LRP2: variants seen among roughly 807,000 people sequenced by gnomAD.
LRP2 encodes low-density lipoprotein receptor-related protein 2.
LRP2 carries 172 observed loss-of-function variants against 531.0 expected under a neutral mutation model. The ratio of observed to expected loss-of-function variants is 0.32; its 90% CI spans 0.29 to 0.37. The LOEUF (loss-of-function observed/expected upper bound fraction) is 0.37, where lower values mean the gene tolerates loss of function less well. Ranked by LOEUF, LRP2 falls within the 10% of genes least tolerant of loss-of-function variation. The probability of loss-of-function intolerance (pLI) is 1.00; values close to 1 mark genes in which losing one functional copy is unlikely to be tolerated. For synonymous variants in LRP2, 1,992 were observed against 2,027.6 expected, an observed-to-expected ratio of 0.98 and a Z score of 0.47; for missense variants, 5,167 against 5,868.3, an observed-to-expected ratio of 0.88 and a Z score of 3.90.
chr2:169,169,306 G>A (rs545163755), intron 60 of LRP2, among the ~76,000 whole-genome samples: 93 of 152,292 alleles, frequency 6.1e-4, no homozygotes, highest in African/African-American at 2.2e-3. Flanking sequence ...TCCATCGTGT[G>A]ACTGAGAAAA....
rs1351922371 is a variant in LRP2, at chr2:169,259,182, C to T, written c.2356G>A (p.Val786Ile). The T allele has an allele frequency of 3.1e-6, 5 of 1,613,126 alleles. No individual in the cohort carries two copies. Among genetic ancestry groups the T allele is most frequent in the East Asian group, 2.2e-5 (1 of 44,850 alleles). ...ATCCAATCAAAAGCCAAACTTTCAA[C>T]ATTTTCCACCCTGTTAGCTGCGAGA... Reference protein sequence around the residue: ...EILAANRVENVESLAFDWISK... With the variant: ...EILAANRVENIESLAFDWISK... The change falls in exon 17 of 79, where the codon GTT becomes ATT. Residue 786 changes from valine (V) to isoleucine (I), a missense_variant. Val to Ile is a conservative substitution (Grantham distance 29, BLOSUM62 3). This residue lies in a region of LRP2 where 2,811 missense variants were observed against 3,058.0 expected (regional missense o/e 0.92). Coordinates refer to ENST00000649046, the MANE Select transcript of LRP2 (RefSeq NM_004525.3).
At chr2:169,332,147 A>T (rs982056723) in intron 1 of LRP2, among the ~76,000 whole-genome samples, 2 of 152,264 alleles carry the variant, frequency 1.3e-5, no homozygotes, top group Non-Finnish European at 2.9e-5. Context: ...AGTGAACAAT[A>T]GTTGGATACT....
chr2:169,319,810 C>T (rs1684863193), intron 2 of LRP2, among the ~76,000 whole-genome samples: 1 of 152,216 alleles, frequency 6.6e-6, no homozygotes, highest in Non-Finnish European at 1.5e-5. Flanking sequence ...CTTTAATGAG[C>T]TCCTGGGTGA....
rs974759151 is a variant in LRP2 at position 169,193,888 on chromosome 2, G to A, written c.8703C>T (p.His2901=). ...CATCAGCTAGGCATGTTCGCTCAGAGTGACCTGAAAAGATCAATAGCATTC... is the reference window on the plus strand; with the variant it reads ...CATCAGCTAGGCATGTTCGCTCAGAATGACCTGAAAAGATCAATAGCATTC... ...DASDEPASCG[H]SERTCLADEF... Residue 2901 remains histidine, a synonymous_variant, in exon 47 of 79, where the codon CAC becomes CAT. Coordinates refer to ENST00000649046, the MANE Select transcript of LRP2 (RefSeq NM_004525.3). The A allele has an allele frequency of 4.0e-5, 65 of 1,614,174 alleles. No individual in the cohort carries two copies. The highest frequency in any genetic ancestry group is 5.3e-5 in the Non-Finnish European group (62 of 1,180,022).
chr2:169,143,737 C>T (rs1685812353), intron 70 of LRP2, among the ~76,000 whole-genome samples: 1 of 152,172 alleles, frequency 6.6e-6, no homozygotes, highest in Non-Finnish European at 1.5e-5. Flanking sequence ...TCAAGTATTA[C>T]CATTAAAAGC....
At chr2:169,332,291 T>C (rs1170152745) in intron 1 of LRP2, among the ~76,000 whole-genome samples, 1 of 152,218 alleles carries the variant, frequency 6.6e-6, no homozygotes, top group Non-Finnish European at 1.5e-5. Context: ...TATAAACACC[T>C]TGCTGTATTC....
At chr2:169,263,457 A>G (rs1339134626) in intron 16 of LRP2, among the ~76,000 whole-genome samples, 11 of 151,480 alleles carry the variant, frequency 7.3e-5, no homozygotes, top group Non-Finnish European at 2.9e-5. Context: ...ACACTTCTCA[A>G]AAGAAGACAT....
chr2:169,247,752 T>G (rs1690068148), intron 19 of LRP2, among the ~76,000 whole-genome samples: 1 of 152,170 alleles, frequency 6.6e-6, no homozygotes, highest in African/African-American at 2.4e-5. Flanking sequence ...CATATGGAGT[T>G]TTATGATGGC....
intron 16 of LRP2, among the ~76,000 whole-genome samples, chr2:169,267,466 C>G (rs549837416): frequency 1.3e-5 from 2 of 152,272 alleles, no homozygotes. Context: ...CAAAACCACT[C>G]AACTACACGG....
chr2:169,207,853 G>A (rs904852965), intron 38 of LRP2, among the ~76,000 whole-genome samples: 19 of 152,172 alleles, frequency 1.2e-4, no homozygotes, highest in Non-Finnish European at 4.4e-5. Flanking sequence ...ACTTTATGAA[G>A]ATAGTATAAT....
rs199549346 is a variant in LRP2 at position 169,233,451 on chromosome 2, G to A, written c.5058C>T (p.Pro1686=). 5.0e-6 allele frequency: 8 copies of A among 1,614,094 alleles called. No homozygotes were observed. The highest frequency in any genetic ancestry group is 2.7e-5 in the African/African-American group (2 of 75,016). ...QSVVMYNIQW[P]LGIVAVHPSK... is the part of the protein sequence containing the mutation. ...AAGGATGAACCGCAACAATCCCAAG[G>A]GGCCATTGAATATTATACATTACAA... is the stretch of plus-strand genomic sequence containing the variant. The change falls in exon 30 of 79, where the codon CCC becomes CCT. Residue 1686 remains proline (P), a synonymous_variant. Coordinates refer to ENST00000649046, the MANE Select transcript of LRP2 (RefSeq NM_004525.3).
At chr2:169,334,891 A>G (rs1185261384) in intron 1 of LRP2, among the ~76,000 whole-genome samples, 3 of 152,220 alleles carry the variant, frequency 2.0e-5, no homozygotes, top group African/African-American at 4.8e-5. Flanking sequence ...CCGTCCCTCC[A>G]TGAAGGGTGG....
In LRP2 at chr2:169,243,761, G is replaced by C. The variant is rs41416647; in HGVS notation, c.3431-239C>G. ...AGTCAGAAACTGTGATTACACCTTG[G>C]AAAATAGACCACATTCAGAAAGTGA... On this transcript the variant is annotated intron_variant, in intron 22 of 78. Transcript: ENST00000649046. Among the ~76,000 whole-genome samples, 5,689 of 152,232 alleles carry C rather than the reference G, an allele frequency of 0.037. 151 individuals carry two copies. Among genetic ancestry groups the C allele is most frequent in the South Asian group, 0.099 (475 of 4,818 alleles).
Position 169,162,508 on chromosome 2 carries a change from C to A in LRP2, c.11851G>T (p.Asp3951Tyr). The change falls in exon 63 of 79, where the codon GAT (aspartate) becomes TAT (tyrosine). Residue 3951 changes from aspartate (D) to tyrosine (Y), a missense_variant. Transcript: ENST00000649046. ...TCATCGGACCAGTCACCACAGTCAT[C>A]GGCATCATCACACACATTGTCATGT... is the stretch of plus-strand genomic sequence containing the variant. Reference protein sequence around the residue: ...IPHDNVCDDADDCGDWSDELG... With the variant: ...IPHDNVCDDAYDCGDWSDELG... 2 of 1,614,184 alleles carry A rather than the reference C, an allele frequency of 1.2e-6. No homozygotes were observed. Among genetic ancestry groups the A allele is most frequent in the South Asian group, 1.1e-5 (1 of 91,082 alleles).
intron 36 of LRP2, among the ~76,000 whole-genome samples, chr2:169,213,134 A>G (rs1005967223): frequency 9.9e-5 from 15 of 152,184 alleles, no homozygotes; most frequent in Non-Finnish European, 2.2e-4. Flanking sequence ...GGTAAATCAG[A>G]AATTAGATTA....
At chr2:169,213,098 C>G (rs996217574) in intron 36 of LRP2, among the ~76,000 whole-genome samples, 2 of 151,912 alleles carry the variant, frequency 1.3e-5, no homozygotes, top group African/African-American at 4.8e-5. Flanking sequence ...AAAAATAATA[C>G]CTGTATCATA....
chr2:169,176,400 G>C lies in LRP2; in HGVS notation c.10571+11C>G, dbSNP rs1558996878. The C allele has an allele frequency of 6.2e-7, 1 of 1,613,974 alleles. No homozygotes were observed. Among genetic ancestry groups the C allele is most frequent in the African/African-American group, 1.3e-5 (1 of 74,920 alleles). ...AGAGAGGCACTGAGGAGAGGGGAAA[G>C]AGAGCCTTACTTTTCATTGTTAGCG... On this transcript the variant is annotated intron_variant, in intron 54 of 78. Transcript: ENST00000649046.
Position 169,215,843 on chromosome 2 carries a change from T to G in LRP2, c.5826+410A>C, listed in dbSNP as rs191418759. 6.3e-3 allele frequency among the ~76,000 whole-genome samples: 938 copies of G among 149,346 alleles called. 5 individuals are homozygous for G. The highest frequency in any genetic ancestry group is 0.025 in the Middle Eastern group (7 of 280). ...AGATACATACTCTATATTTTTTATA[T>G]ATATATTCTCTCCATATATATAGGT... On this transcript the variant is annotated intron_variant, in intron 35 of 78. Transcript: ENST00000649046.
At chr2:169,345,773 G>A (rs577297307) in intron 1 of LRP2, among the ~76,000 whole-genome samples, 16 of 144,184 alleles carry the variant, frequency 1.1e-4, no homozygotes, top group Non-Finnish European at 1.8e-4. Context: ...AAAAAAAAAC[G>A]AGCACTGTTA....
Sources: allele counts gnomAD v4.1 joint callset (sites outside exome capture counted in the v4.1 genomes callset), GRCh38; gene constraint gnomAD v4.1.1; regional missense constraint gnomAD v4.1.1; transcripts MANE v1.5; gene names NCBI Gene and HGNC (gene_info 2026-07-23, HGNC 2026-07-21).